Variants in CSMD1 observed in about 807,000 individuals in gnomAD.
CSMD1 encodes CUB and Sushi multiple domains 1, also known as CUB and sushi domain-containing protein 1.
In CSMD1, 213 loss-of-function variants were observed where a neutral mutation model predicts 417.5. The observed-to-expected ratio is 0.51, with a 90% confidence interval of 0.46 to 0.57. The LOEUF (loss-of-function observed/expected upper bound fraction) is 0.57. Ranked by LOEUF, CSMD1 falls within the 20% of genes least tolerant of loss-of-function variation. CSMD1 has a pLI of 0.00. For synonymous variants in CSMD1, 2,862 were observed against 1,736.8 expected (o/e 1.65, Z -16.11); for missense variants, 6,923 against 4,529.7 (o/e 1.53, Z -15.17).
At chr8:4,684,486 C>T (rs776641368) in intron 1 of CSMD1, among the ~76,000 whole-genome samples, 4 of 152,054 alleles carry the variant, frequency 2.6e-5, no homozygotes, top group Non-Finnish European at 4.4e-5. Context: ...TGGATCACCC[C>T]GGCTGGAGAG....
chr8:4,028,860 G>C (rs1027077223), intron 4 of CSMD1, among the ~76,000 whole-genome samples: 8 of 152,280 alleles, frequency 5.3e-5, no homozygotes, highest in Non-Finnish European at 5.9e-5. Context: ...GTACTCAAAA[G>C]ATAAATTTTT....
chr8:4,197,589 C>T (rs902790055), intron 3 of CSMD1, among the ~76,000 whole-genome samples: 5 of 152,174 alleles, frequency 3.3e-5, no homozygotes, highest in Non-Finnish European at 7.3e-5. Context: ...TAATAAAAAT[C>T]ATCTTCCAGC....
intron 2 of CSMD1, among the ~76,000 whole-genome samples, chr8:4,441,518 A>T (rs1257805417): frequency 3.3e-5 from 5 of 152,120 alleles, no homozygotes; most frequent in Non-Finnish European, 7.4e-5. Context: ...CATTATAAAT[A>T]ACTTTCAATT....
intron 1 of CSMD1, among the ~76,000 whole-genome samples, chr8:4,906,091 T>C (rs1179071972): frequency 6.6e-6 from 1 of 152,110 alleles, no homozygotes; most frequent in African/African-American, 2.4e-5. Flanking sequence ...AGCTGACCAA[T>C]AATCAAATTA....
At chr8:3,128,905 T>G (rs773295486) in intron 41 of CSMD1, 1 of 452,678 alleles carries the variant, frequency 2.2e-6, no homozygotes, top group Non-Finnish European at 4.4e-6. Context: ...ATCCTCCTAT[T>G]GCAAGAGACA....
intron 5 of CSMD1, among the ~76,000 whole-genome samples, chr8:3,932,684 T>G (rs1173229443): frequency 6.6e-6 from 1 of 150,584 alleles, no homozygotes. Context: ...AATAAACTCA[T>G]AAGATCGTAA....
rs556304192 is a variant in CSMD1 at position 3,155,359 on chromosome 8, A to ATTTTTTTTTTTTTTTTTTTTTT, written c.5914+2516_5914+2537dup. 8.4e-3 allele frequency among the ~76,000 whole-genome samples: 364 copies of ATTTTTTTTTTTTTTTTTTTTTT among 43,294 alleles called. 129 individuals are homozygous for ATTTTTTTTTTTTTTTTTTTTTT. The highest frequency in any genetic ancestry group is 0.013 in the Non-Finnish European group (271 of 21,368). 28.4% of individuals were successfully genotyped at this position (43,294 alleles called of 152,430 possible). A position where few individuals can be genotyped will look rare whatever the true frequency, so the allele number is the denominator to read the frequency against. On this transcript the variant is annotated intron_variant, in intron 39 of 69. Coordinates refer to ENST00000635120, the MANE Select transcript of CSMD1 (RefSeq NM_033225.6). The stretch of plus-strand genomic sequence containing the variant: ...TTTTTCCTTCCAAATCAAGGCTGGG[A>ATTTTTTTTTTTTTTTTTTTTTT]TTTTTTTTTTTTTTTTTTTTTTTTT...
At chr8:3,312,374 A>G (rs1805417228) in intron 23 of CSMD1, among the ~76,000 whole-genome samples, 1 of 152,160 alleles carries the variant, frequency 6.6e-6, no homozygotes, top group Non-Finnish European at 1.5e-5. Context: ...CCTTGACAGC[A>G]TCATTAAATT....
chr8:4,204,169 G>C (rs1442517022), intron 3 of CSMD1, among the ~76,000 whole-genome samples: 1 of 151,972 alleles, frequency 6.6e-6, no homozygotes, highest in Non-Finnish European at 1.5e-5. Context: ...CATTGACTGT[G>C]CCCATGTGGT....
At chr8:4,048,914 TTTTCCAA>T (rs1177682221) in intron 3 of CSMD1, among the ~76,000 whole-genome samples, 4 of 152,150 alleles carry the variant, frequency 2.6e-5, no homozygotes, top group Non-Finnish European at 4.4e-5. Flanking sequence ...ATTTGCTAAT[TTTTCCAA>T]TTTCAAATGC....
intron 5 of CSMD1, among the ~76,000 whole-genome samples, chr8:3,960,211 C>A (rs764128927): frequency 6.6e-6 from 1 of 152,166 alleles, no homozygotes; most frequent in Non-Finnish European, 1.5e-5. Flanking sequence ...ATCATGGAAT[C>A]TATTTCTAAG....
chr8:4,601,444 A>G (rs1303956731), intron 2 of CSMD1, among the ~76,000 whole-genome samples: 1 of 152,160 alleles, frequency 6.6e-6, no homozygotes, highest in Admixed American at 6.5e-5. Flanking sequence ...TACAGGGATC[A>G]TCTCATCTGT....
Position 3,187,900 on chromosome 8 carries a change from A to T in CSMD1, c.5589T>A (p.Asp1863Glu), listed in dbSNP as rs1424147060. Residue 1863 changes from aspartate (D) to glutamate (E), a missense_variant, in exon 36 of 70, where the codon GAT (aspartate) becomes GAA (glutamate). Transcript: ENST00000635120. ...AGCTTCCCAGTCTGGGTGCGGTCAC[A>T]TCCCCACCATCGTGGATCTCAAGGG... The part of the protein sequence containing the change: ...WDSLEIHDGG[D>E]VTAPRLGSFS... The T allele has an allele frequency of 4.3e-6, 7 of 1,613,186 alleles. No individual in the cohort carries two copies. The highest frequency in any genetic ancestry group is 5.9e-6 in the Non-Finnish European group (7 of 1,179,552).
intron 46 of CSMD1, among the ~76,000 whole-genome samples, chr8:3,100,763 A>C (rs1303086945): frequency 1.3e-5 from 2 of 152,222 alleles, no homozygotes; most frequent in Non-Finnish European, 2.9e-5. Flanking sequence ...CAAAACTAAT[A>C]GCAGATGAGG....
chr8:3,672,659 G>C (rs536743079), intron 7 of CSMD1, among the ~76,000 whole-genome samples: 27 of 152,326 alleles, frequency 1.8e-4, no homozygotes, highest in African/African-American at 6.0e-4. Context: ...ACATGGTGCA[G>C]TGTCACTGGG....
chr8:3,800,486 A>G (rs1396179594), intron 5 of CSMD1, among the ~76,000 whole-genome samples: 2 of 152,164 alleles, frequency 1.3e-5, no homozygotes, highest in African/African-American at 4.8e-5. Context: ...GCAAAAATGC[A>G]TTTGGATCCC....
intron 1 of CSMD1, among the ~76,000 whole-genome samples, chr8:4,792,501 C>A (rs1452466066): frequency 2.0e-5 from 3 of 152,214 alleles, no homozygotes; most frequent in Admixed American, 6.5e-5. Flanking sequence ...GTTCCCTGGG[C>A]AGTTGTGGTT....
At chr8:4,359,828 C>T (rs951949331) in intron 3 of CSMD1, among the ~76,000 whole-genome samples, 7 of 152,222 alleles carry the variant, frequency 4.6e-5, no homozygotes, top group Non-Finnish European at 1.0e-4. Context: ...ACCATCTCTC[C>T]TACTGTCGGA....
At chr8:3,452,283 C>A in intron 12 of CSMD1, among the ~76,000 whole-genome samples, 1 of 152,232 alleles carries the variant, frequency 6.6e-6, no homozygotes. Context: ...TTGACTTCCT[C>A]TTTTCCTAAT....
Sources: allele counts gnomAD v4.1 joint callset (sites outside exome capture counted in the v4.1 genomes callset), GRCh38; gene constraint gnomAD v4.1.1; transcripts MANE v1.5; gene names NCBI Gene and HGNC (gene_info 2026-07-23, HGNC 2026-07-21).